Variants in SRSF5 observed in about 807,000 individuals in gnomAD.
SRSF5 encodes the protein serine/arginine-rich splicing factor 5.
A neutral mutation model predicts 34.0 loss-of-function variants in SRSF5; 5 were observed. The observed-to-expected ratio is 0.15, with a 90% CI of 0.08 to 0.31. The LOEUF (loss-of-function observed/expected upper bound fraction) is 0.31, where lower values mean the gene tolerates loss of function less well. Ranked by LOEUF, SRSF5 falls within the 10% of genes least tolerant of loss-of-function variation. The probability of loss-of-function intolerance (pLI) is 1.00; values close to 1 mark genes in which losing one functional copy is unlikely to be tolerated. For missense variants in SRSF5, 223 were observed against 351.4 expected, an observed-to-expected ratio of 0.63 and a Z score of 2.92; for synonymous variants, 164 against 117.7, an observed-to-expected ratio of 1.39 and a Z score of -2.55.
intron 1 of SRSF5, chr14:69,767,638 T>G (rs767061589): frequency 2.3e-5 from 10 of 427,908 alleles, no homozygotes; most frequent in South Asian, 1.4e-4. Context: ...AAGAGGGAAT[T>G]TGGCACGCGC....
In SRSF5 at chr14:69,771,503, A is replaced by G. The variant is rs1883207828; in HGVS notation, c.*42A>G. ...CCTGGGGGCCTTTTTTTAAAAAACA[A>G]AAACCACAAAAATTCCCAAACCATA... On this transcript the variant is annotated 3_prime_UTR_variant, in exon 8 of 8. Transcript: ENST00000557154. 6.3e-7 allele frequency: 1 copy of G among 1,583,182 alleles called. No individual in the cohort carries two copies. Among genetic ancestry groups the G allele is most frequent in the East Asian group, 2.2e-5 (1 of 44,520 alleles).
intron 5 of SRSF5, 154 bp downstream of exon 5, chr14:69,769,405 A>T: frequency 6.6e-7 from 1 of 1,506,106 alleles, no homozygotes; most frequent in Admixed American, 2.2e-5. Flanking sequence ...AATTTGGGGG[A>T]TATTTTGAAC....
At position 69,771,545 on chromosome 14, in the gene SRSF5, G is replaced by T; in HGVS notation, c.*84G>T. ...CAAACCATACTTGCTAAAAATTCTGGTAAGTATGTGCTTTTCTGTGGGGGT... is the reference window on the plus strand; with the variant it reads ...CAAACCATACTTGCTAAAAATTCTGTTAAGTATGTGCTTTTCTGTGGGGGT... On this transcript the variant is annotated 3_prime_UTR_variant, in exon 8 of 8. Coordinates refer to ENST00000557154, the MANE Select transcript of SRSF5 (RefSeq NM_001320214.2). The T allele has an allele frequency of 1.9e-5, 22 of 1,154,726 alleles. No individual in the cohort carries two copies. Among genetic ancestry groups the T allele is most frequent in the African/African-American group, 3.2e-5 (2 of 63,244 alleles). 71.5% of individuals were successfully genotyped at this position (1,154,726 alleles called of 1,614,324 possible).
chr14:69,767,831 G>T, intron 1 of SRSF5: 1 of 368,476 alleles, frequency 2.7e-6, no homozygotes, highest in Non-Finnish European at 5.2e-6. Context: ...CGCACTTCTC[G>T]GCCTTTCCTA....
chr14:69,767,487 C>A lies in SRSF5; in HGVS notation c.-20+232C>A, dbSNP rs139164757. 1,061 of 455,976 alleles carry A rather than the reference C, an allele frequency of 2.3e-3. 13 individuals carry two copies. Among genetic ancestry groups the A allele is most frequent in the African/African-American group, 0.019 (970 of 50,156 alleles). The allele number at this position is 455,976 out of a possible 1,614,324, so 28.2% of individuals were successfully genotyped here. A position where few individuals can be genotyped will look rare whatever the true frequency, so the allele number is the denominator to read the frequency against. On this transcript the variant is annotated intron_variant, in intron 1 of 7. Transcript: ENST00000557154. The stretch of plus-strand genomic sequence containing the variant: ...TTTACACAGCGGTTGTGCGCCCGTC[C>A]CTGCCAGTCTTAATGTCTTCATCTC...
At chr14:69,767,627 G>T in intron 1 of SRSF5, 1 of 436,898 alleles carries the variant, frequency 2.3e-6, no homozygotes. Flanking sequence ...GAGGAGAAGG[G>T]AAGAGGGAAT....
chr14:69,770,922 A>G lies in SRSF5; in HGVS notation c.441-73A>G, dbSNP rs1594754283. 3 of 1,310,948 alleles carry G rather than the reference A, an allele frequency of 2.3e-6. No homozygotes were observed. The East Asian group carries it at 6.9e-5, about 30-fold the overall frequency. 81.2% of individuals were successfully genotyped at this position (1,310,948 alleles called of 1,614,324 possible). On this transcript the variant is annotated intron_variant, in intron 6 of 7. Transcript: ENST00000557154. ...GCAAAAGTGAACATAGAAACGACTT[A>G]CCTAGACTGCTGTGTGCAATGTGTG...
rs1882558917 is a variant in SRSF5 at position 69,767,267 on chromosome 14, A to C, written c.-20+12A>C. ...ACCCCGTCCGGTAGGTGAGTGGCTC[A>C]CTTTGAGGGCAAGCCTTCTCGGATC... On this transcript the variant is annotated intron_variant, in intron 1 of 7. Transcript: ENST00000557154. 2 of 394,080 alleles carry C rather than the reference A, an allele frequency of 5.1e-6. No homozygotes were observed. The highest frequency in any genetic ancestry group is 9.8e-6 in the Non-Finnish European group (2 of 204,158). 24.4% of individuals were successfully genotyped at this position (394,080 alleles called of 1,614,324 possible).
intron 5 of SRSF5, chr14:69,769,909 C>T (rs959073662): frequency 9.9e-6 from 11 of 1,116,308 alleles, no homozygotes; most frequent in Admixed American, 4.5e-5. Flanking sequence ...GAGGGCTGTG[C>T]GATTAAAGGC....
rs755116838 is a variant in SRSF5 at position 69,770,988 on chromosome 14, A to G, written c.441-7A>G. The G allele has an allele frequency of 2.5e-6, 4 of 1,610,344 alleles. No homozygotes were observed. The highest frequency in any genetic ancestry group is 1.7e-6 in the Non-Finnish European group (2 of 1,178,854). ...TATACTTTAAAAGTGGCTGTTTTCC[A>G]TTTTAGGGTGGTTGAGTTTGCCTCT... is the stretch of plus-strand genomic sequence containing the variant. On this transcript the variant is annotated splice_polypyrimidine_tract_variant and splice_region_variant and intron_variant, in intron 6 of 7. Transcript: ENST00000557154.
chr14:69,768,200 C>T lies in SRSF5; in HGVS notation c.44C>T (p.Ala15Val), dbSNP rs1466021855. 4.3e-6 allele frequency: 7 copies of T among 1,613,964 alleles called. No homozygotes were observed. The highest frequency in any genetic ancestry group is 5.1e-6 in the Non-Finnish European group (6 of 1,180,026). Residue 15 changes from alanine (A) to valine (V), a missense_variant, in exon 2 of 8, where the codon GCC becomes GTC. This residue lies in a region of SRSF5 where 27 missense variants were observed against 90.7 expected (regional missense o/e 0.30). Transcript: ENST00000557154. ...RVFIGRLNPA[A>V]REKDVERFFK... ...TTCATCGGGAGACTAAATCCAGCGG[C>T]CAGGGAGAAGGACGTGGAAAGATTC...
At chr14:69,768,944 C>T in intron 4 of SRSF5, 48 bp downstream of exon 4, 5 of 1,571,816 alleles carry the variant, frequency 3.2e-6, no homozygotes, top group Non-Finnish European at 4.4e-6. Context: ...GTAGGGGTAG[C>T]ATTTAAGATT....
chr14:69,771,520 C>G lies in SRSF5; in HGVS notation c.*59C>G. On this transcript the variant is annotated 3_prime_UTR_variant, in exon 8 of 8. Transcript: ENST00000557154. ...AAAAAACAAAAACCACAAAAATTCC[C>G]AAACCATACTTGCTAAAAATTCTGG... 6.4e-7 allele frequency: 1 copy of G among 1,556,744 alleles called. No homozygotes were observed. The highest frequency in any genetic ancestry group is 8.7e-7 in the Non-Finnish European group (1 of 1,150,870).
chr14:69,768,081 C>CA, intron 1 of SRSF5, 57 bp from the exon 2 acceptor site: 1 of 1,576,010 alleles, frequency 6.3e-7, no homozygotes, highest in South Asian at 1.1e-5. Context: ...ATTGTTTAAT[C>CA]AGGCGTTTCT....
At chr14:69,770,626 T>C (rs961299469) in intron 6 of SRSF5, 86 bp downstream of exon 6, 6 of 1,227,020 alleles carry the variant, frequency 4.9e-6, no homozygotes, top group African/African-American at 1.5e-5. Context: ...AATTTGAATA[T>C]GTTAGAATGC....
rs760345318 is a variant in SRSF5 at position 69,771,220 on chromosome 14, G to A, written c.578G>A (p.Arg193Gln). The A allele has an allele frequency of 5.0e-6, 8 of 1,614,074 alleles. No individual in the cohort carries two copies. Among genetic ancestry groups the A allele is most frequent in the East Asian group, 2.2e-5 (1 of 44,878 alleles). Residue 193 changes from arginine (R) to glutamine (Q), a missense_variant, in exon 8 of 8, where the codon CGG becomes CAG. By Grantham distance (43) the Arg-to-Gln change is conservative. Transcript: ENST00000557154. ...HSRSRSRSRS[R>Q]TRSSSRSRSR... ...AGGTCAAGAAGCAGGTCTCGATCCC[G>A]GACCAGAAGTTCCTCTAGGTCTCGT...
chr14:69,769,399 T>G, intron 5 of SRSF5, 148 bp downstream of exon 5: 3 of 1,502,444 alleles, frequency 2.0e-6, no homozygotes, highest in Non-Finnish European at 2.7e-6. Flanking sequence ...AAATGTAATT[T>G]GGGGGATATT....
At chr14:69,769,496 C>T in intron 5 of SRSF5, 1 of 1,535,304 alleles carries the variant, frequency 6.5e-7, no homozygotes, top group Non-Finnish European at 8.7e-7. Flanking sequence ...AAATATTAAA[C>T]CCTTTATTTG....
At chr14:69,768,432 T>A in intron 2 of SRSF5, 150 bp downstream of exon 2, 2 of 1,323,342 alleles carry the variant, frequency 1.5e-6, no homozygotes, top group South Asian at 1.3e-5. Flanking sequence ...AAAACAACTT[T>A]AACTTGCCGG....
Sources: gnomAD v4.1 joint callset for allele counts on GRCh38, gnomAD v4.1.1 for gene constraint, gnomAD v4.1.1 regional missense constraint, MANE v1.5 for transcripts, NCBI Gene and HGNC (gene_info 2026-07-23, HGNC 2026-07-21) for gene names.